Variants in SLC9A3 observed in about 807,000 individuals in gnomAD.
SLC9A3 encodes the protein solute carrier family 9 member A3, also known as sodium/hydrogen exchanger 3.
A neutral mutation model predicts 86.8 loss-of-function variants in SLC9A3; 37 were observed. That is an observed-to-expected ratio of 0.43 (90% CI 0.33 to 0.56). The LOEUF (loss-of-function observed/expected upper bound fraction) is 0.56. Ranked by LOEUF, SLC9A3 falls within the 20% of genes least tolerant of loss-of-function variation. SLC9A3 has a pLI of 0.06. For missense variants in SLC9A3, 1,011 were observed against 1,171.9 expected (o/e 0.86, Z 2.00); for synonymous variants, 581 against 528.3 (o/e 1.10, Z -1.37).
At chr5:481,168 G>C (rs1280310944) in intron 9 of SLC9A3, among the ~76,000 whole-genome samples, 1 of 152,234 alleles carries the variant, frequency 6.6e-6, no homozygotes, top group Non-Finnish European at 1.5e-5. Context: ...GGGATTACAG[G>C]CTTGAGCCCT....
At chr5:486,700 T>G (rs896845840) in intron 3 of SLC9A3, among the ~76,000 whole-genome samples, 2 of 152,136 alleles carry the variant, frequency 1.3e-5, no homozygotes, top group African/African-American at 4.8e-5. Context: ...TATGGCACAG[T>G]CAGGTCACCG....
At chr5:480,547 G>GC (rs1200487359) in intron 9 of SLC9A3, 6 of 153,436 alleles carry the variant, frequency 3.9e-5, no homozygotes, top group Admixed American at 3.2e-4. Context: ...ACCTGGGCAG[G>GC]CCCCGCGGCA....
intron 11 of SLC9A3, chr5:477,014 T>C: frequency 5.9e-6 from 3 of 504,210 alleles, no homozygotes; most frequent in Admixed American, 3.3e-5. Flanking sequence ...GGCTGTGAGC[T>C]GTGGAGCCCA....
chr5:520,401 G>GC (rs1186405026), intron 1 of SLC9A3, among the ~76,000 whole-genome samples: 2 of 152,160 alleles, frequency 1.3e-5, no homozygotes, highest in Non-Finnish European at 2.9e-5. Flanking sequence ...GCGCAGCAGA[G>GC]CCCCCCGAAG....
At chr5:488,989 C>T (rs1281059728) in intron 2 of SLC9A3, among the ~76,000 whole-genome samples, 1 of 152,148 alleles carries the variant, frequency 6.6e-6, no homozygotes, top group Non-Finnish European at 1.5e-5. Flanking sequence ...AGACGTGGGT[C>T]CATGTGGTCC....
At chr5:476,817 C>A in intron 11 of SLC9A3, 145 bp from the exon 12 acceptor site, 1 of 985,272 alleles carries the variant, frequency 1.0e-6, no homozygotes, top group South Asian at 1.5e-5. Flanking sequence ...GGCTGGGGCA[C>A]GGGGACATCT....
chr5:475,178 G>A, intron 15 of SLC9A3, 46 bp from the exon 16 acceptor site: 3 of 1,524,822 alleles, frequency 2.0e-6, no homozygotes, highest in Non-Finnish European at 1.8e-6. Context: ...GAGCCCCACG[G>A]CGGCAGGGGA....
At chr5:513,116 C>T (rs911696280) in intron 1 of SLC9A3, among the ~76,000 whole-genome samples, 4 of 152,092 alleles carry the variant, frequency 2.6e-5, no homozygotes, top group Admixed American at 1.3e-4. Flanking sequence ...GGGAGGGGGG[C>T]GTGCACCTAC....
Position 482,538 on chromosome 5 carries a change from T to G in SLC9A3, c.1356+10A>C, listed in dbSNP as rs3777230. 371 of 1,603,214 alleles carry G rather than the reference T, an allele frequency of 2.3e-4. No individual in the cohort carries two copies. The African/African-American group carries it at 4.5e-3, about 19-fold the overall frequency. ...GCCGAGACCCCAGGGCTGGCTGGGC[T>G]GGGCCTCACCTGGAAGATGACGGTG... On this transcript the variant is annotated intron_variant, in intron 7 of 16. Transcript: ENST00000264938.
intron 1 of SLC9A3, among the ~76,000 whole-genome samples, chr5:506,465 C>T (rs1740587657): frequency 6.6e-6 from 1 of 152,208 alleles, no homozygotes; most frequent in African/African-American, 2.4e-5. Flanking sequence ...TCCCGAGGGG[C>T]CCCATGCTGC....
At chr5:485,039 CA>C in intron 4 of SLC9A3, 113 bp downstream of exon 4, 2 of 799,178 alleles carry the variant, frequency 2.5e-6, no homozygotes, top group South Asian at 2.8e-5. Flanking sequence ...CAGAAGGGCC[CA>C]GTGTAGCAGC....
rs1738488779 is a variant in SLC9A3, at chr5:473,187, G to GC, written c.*191_*192insG. The GC allele has an allele frequency of 5.4e-6, 3 of 553,150 alleles. No homozygotes were observed. The highest frequency in any genetic ancestry group is 7.9e-6 in the Non-Finnish European group (3 of 377,762). The allele number at this position is 553,150 out of a possible 1,614,324, so 34.3% of individuals were successfully genotyped here. On this transcript the variant is annotated 3_prime_UTR_variant, in exon 17 of 17. Transcript: ENST00000264938. ...AGGCCCCGCCCCCGGCTCGCCCTCG[G>GC]GCGGCTCTGCGGGCGCAGGCGCGGC...
At position 524,382 on chromosome 5, in the gene SLC9A3, G is replaced by T; in HGVS notation, c.-60C>A. On this transcript the variant is annotated 5_prime_UTR_variant, in exon 1 of 17. Transcript: ENST00000264938. ...GTCGCGGGGGGTCCCGGCTGGGCTG[G>T]GCCGACGCGCGGGGCTGGGACCCGG... 2.6e-6 allele frequency: 2 copies of T among 757,292 alleles called. No homozygotes were observed. Among genetic ancestry groups the T allele is most frequent in the Non-Finnish European group, 3.4e-6 (2 of 580,574 alleles). The allele number at this position is 757,292 out of a possible 1,614,324, so 46.9% of individuals were successfully genotyped here. A position where few individuals can be genotyped will look rare whatever the true frequency, so the allele number is the denominator to read the frequency against.
At chr5:477,203 C>T (rs1009372920) in intron 11 of SLC9A3, 129 bp downstream of exon 11, 114 of 631,458 alleles carry the variant, frequency 1.8e-4, no homozygotes, top group Non-Finnish European at 2.7e-4. Flanking sequence ...GACACCCACC[C>T]CCTCTTTCTG....
intron 1 of SLC9A3, among the ~76,000 whole-genome samples, chr5:492,523 C>T (rs1193498548): frequency 1.3e-5 from 2 of 151,986 alleles, no homozygotes; most frequent in South Asian, 2.1e-4. Flanking sequence ...TAAGACCTCC[C>T]CCGACTTTTC....
rs200474984 is a variant in SLC9A3 at position 481,588 on chromosome 5, G to C, written c.1494C>G (p.Ile498Met). 1.2e-6 allele frequency: 2 copies of C among 1,613,954 alleles called. No individual in the cohort carries two copies. Among genetic ancestry groups the C allele is most frequent in the Non-Finnish European group, 1.7e-6 (2 of 1,179,876 alleles). ...LSAIEDISGQ[I>M]GHNYLRDKWS... ...ACTTGTCTCTGAGATAATTGTGCCC[G>C]ATCTGTCCGGATATGTCCTCGATGG... Residue 498 changes from isoleucine (I) to methionine (M), a missense_variant, in exon 9 of 17, where the codon ATC (isoleucine) becomes ATG (methionine). Ile to Met is a conservative substitution (Grantham distance 10). Coordinates refer to ENST00000264938, the MANE Select transcript of SLC9A3 (RefSeq NM_004174.4).
At position 482,629 on chromosome 5, in the gene SLC9A3, A is replaced by G. The variant is rs3777232; in HGVS notation, c.1275T>C (p.Leu425=). 2.3e-4 allele frequency: 366 copies of G among 1,612,712 alleles called. 2 individuals are homozygous for G. The East Asian group carries it at 7.8e-3, about 35-fold the overall frequency. The part of the protein sequence containing the change: ...RGAVAFALVV[L]LDGDKVKEKN... ...TCTCCTTGACCTTGTCTCCATCCAG[A>G]AGCACCACCAGGGCAAAGGCCACGG... Residue 425 remains leucine, a synonymous_variant, in exon 7 of 17, where the codon CTT becomes CTC. Transcript: ENST00000264938.
chr5:481,623 T>C lies in SLC9A3; in HGVS notation c.1459A>G (p.Ile487Val). The C allele has an allele frequency of 6.2e-7, 1 of 1,613,962 alleles. No homozygotes were observed. Among genetic ancestry groups the C allele is most frequent in the Non-Finnish European group, 8.5e-7 (1 of 1,179,890 alleles). Residue 487 changes from isoleucine to valine, a missense_variant, in exon 9 of 17, where the codon ATC (isoleucine) becomes GTC (valine). Coordinates refer to ENST00000264938, the MANE Select transcript of SLC9A3 (RefSeq NM_004174.4). ...GATATGTCCTCGATGGCCGAGAGGA[T>C]GTGGTCGAAAGCCTTTCAAGGGAAG... ...EKLHGRAFDH[I>V]LSAIEDISGQ...
chr5:524,442 T>A lies in SLC9A3; in HGVS notation c.-120A>T, dbSNP rs1164906360. ...GGCGCGCTCCGGTGCCGGTACCGGC[T>A]ACAGTCCGATCCCCGCCCGCCGGGG... On this transcript the variant is annotated 5_prime_UTR_variant, in exon 1 of 17. Transcript: ENST00000264938. 6.8e-6 allele frequency: 2 copies of A among 295,506 alleles called. No homozygotes were observed. Among genetic ancestry groups the A allele is most frequent in the Non-Finnish European group, 1.1e-5 (2 of 174,144 alleles). 18.3% of individuals were successfully genotyped at this position (295,506 alleles called of 1,614,324 possible).
Sources: allele counts gnomAD v4.1 joint callset (sites outside exome capture counted in the v4.1 genomes callset), GRCh38; gene constraint gnomAD v4.1.1; transcripts MANE v1.5; gene names NCBI Gene and HGNC (gene_info 2026-07-23, HGNC 2026-07-21).